CUL5: variants seen among roughly 807,000 people sequenced by gnomAD.
The protein encoded by CUL5 is cullin-5.
Under a neutral mutation model 108.8 loss-of-function variants are expected in CUL5, and 26 were observed. The observed-to-expected ratio is 0.24, with a 90% CI of 0.18 to 0.33. CUL5 has a LOEUF of 0.33. Ranked by LOEUF, CUL5 falls within the 10% of genes least tolerant of loss-of-function variation. The pLI is 1.00. For missense variants in CUL5, 524 were observed against 909.2 expected (o/e 0.58, Z 5.45); for synonymous variants, 334 against 298.0 (o/e 1.12, Z -1.25).
At chr11:108,075,014 A>G (rs1863910912) in intron 10 of CUL5, among the ~76,000 whole-genome samples, 1 of 152,112 alleles carries the variant, frequency 6.6e-6, no homozygotes, top group African/African-American at 2.4e-5. Flanking sequence ...AAAATTTTAA[A>G]CAGAATGGTA....
chr11:108,060,828 CA>C (rs879814275), intron 7 of CUL5, among the ~76,000 whole-genome samples: 55 of 143,802 alleles, frequency 3.8e-4, no homozygotes, highest in East Asian at 1.2e-3. Context: ...GAAACTGTCT[CA>C]AAAAAAAAAA....
chr11:108,101,903 C>T (rs1864680629), intron 18 of CUL5, among the ~76,000 whole-genome samples: 1 of 152,254 alleles, frequency 6.6e-6, no homozygotes, highest in African/African-American at 2.4e-5. Flanking sequence ...TTCTTCCTCT[C>T]TGAACCCCTG....
rs575951414 is a variant in CUL5 at position 108,009,255 on chromosome 11, C to T, written c.-94C>T. ...ACACCCTGGTGCGGGCCGACGGGCC[C>T]TGGGCCCTGGTGGGAGCTCCGGCCT... On this transcript the variant is annotated 5_prime_UTR_variant, in exon 1 of 19. Transcript: ENST00000393094. 3.5e-6 allele frequency: 5 copies of T among 1,436,114 alleles called. No homozygotes were observed. The African/African-American group carries it at 7.0e-5, about 20-fold the overall frequency. 89.0% of individuals were successfully genotyped at this position (1,436,114 alleles called of 1,614,324 possible). A position where few individuals can be genotyped will look rare whatever the true frequency, so the allele number is the denominator to read the frequency against.
At position 108,070,260 on chromosome 11, in the gene CUL5, GT is replaced by G. The variant is rs1863786988; in HGVS notation, c.874+73del. On this transcript the variant is annotated intron_variant, in intron 8 of 18. Transcript: ENST00000393094. ...ATCTTTGAAACAAATCACTTACTAAGTTGCTCTTAGTTAATTCTTTTCCACA... is the reference window on the plus strand; with the variant it reads ...ATCTTTGAAACAAATCACTTACTAAGTGCTCTTAGTTAATTCTTTTCCACA... 1.2e-5 allele frequency: 13 copies of G among 1,083,424 alleles called. No individual in the cohort carries two copies. The East Asian group carries it at 1.7e-4, about 14-fold the overall frequency. 67.1% of individuals were successfully genotyped at this position (1,083,424 alleles called of 1,614,324 possible).
At chr11:108,071,643 C>T (rs927169728) in intron 8 of CUL5, among the ~76,000 whole-genome samples, 2 of 152,110 alleles carry the variant, frequency 1.3e-5, no homozygotes, top group African/African-American at 4.8e-5. Flanking sequence ...GCCTCCTGGG[C>T]TTAGGCATTC....
chr11:108,045,829 T>C (rs573261696), intron 2 of CUL5, among the ~76,000 whole-genome samples: 9 of 152,200 alleles, frequency 5.9e-5, no homozygotes, highest in Non-Finnish European at 1.0e-4. Flanking sequence ...CAGTGCACAC[T>C]AGCCTGGGCA....
chr11:108,025,508 C>G (rs1862430983), intron 1 of CUL5, among the ~76,000 whole-genome samples: 1 of 152,140 alleles, frequency 6.6e-6, no homozygotes, highest in Admixed American at 6.5e-5. Flanking sequence ...CAGAATATCA[C>G]TCGGGGTAGG....
At chr11:108,014,304 T>C (rs1485883577) in intron 1 of CUL5, among the ~76,000 whole-genome samples, 2 of 152,186 alleles carry the variant, frequency 1.3e-5, no homozygotes, top group African/African-American at 4.8e-5. Context: ...GGCTGCATGC[T>C]GTGTTAGATA....
At position 108,070,131 on chromosome 11, in the gene CUL5, A is replaced by T. The variant is rs1204925377; in HGVS notation, c.816A>T (p.Ser272=). The change falls in exon 8 of 19, where the codon TCA becomes TCT. Residue 272 remains serine (S), a synonymous_variant. Coordinates refer to ENST00000393094, the MANE Select transcript of CUL5 (RefSeq NM_003478.6). Reference sequence around the variant, plus strand: ...GCTGTGTAAATGCCCTGGTGACATCATTTAAAGAGACTATCTTAGCTGAGT... The same window carrying T: ...GCTGTGTAAATGCCCTGGTGACATCTTTTAAAGAGACTATCTTAGCTGAGT... ...MECCVNALVT[S]FKETILAECQ... The T allele has an allele frequency of 6.2e-7, 1 of 1,612,176 alleles. No individual in the cohort carries two copies. Among genetic ancestry groups the T allele is most frequent in the Non-Finnish European group, 8.5e-7 (1 of 1,178,788 alleles).
intron 1 of CUL5, among the ~76,000 whole-genome samples, chr11:108,015,391 C>T (rs1306929536): frequency 3.9e-5 from 6 of 152,178 alleles, no homozygotes; most frequent in African/African-American, 4.8e-5. Flanking sequence ...TGAATATCAT[C>T]GGTGAATGTG....
intron 1 of CUL5, among the ~76,000 whole-genome samples, chr11:108,030,463 C>T (rs540265232): frequency 3.3e-5 from 5 of 152,264 alleles, no homozygotes; most frequent in African/African-American, 7.2e-5. Context: ...CACAGAGAAA[C>T]CCCGTCTCTA....
chr11:108,033,668 G>A (rs1365074684), intron 1 of CUL5, 134 bp from the exon 2 acceptor site: 4 of 609,230 alleles, frequency 6.6e-6, no homozygotes, highest in Non-Finnish European at 1.2e-5. Context: ...TAAGCCTGTA[G>A]GGATTCCATT....
At chr11:108,067,083 A>G (rs990293360) in intron 7 of CUL5, among the ~76,000 whole-genome samples, 1 of 152,246 alleles carries the variant, frequency 6.6e-6, no homozygotes, top group African/African-American at 2.4e-5. Flanking sequence ...TCAAGACCTT[A>G]TGAACCAACT....
intron 4 of CUL5, among the ~76,000 whole-genome samples, chr11:108,051,233 C>T (rs991205212): frequency 6.6e-6 from 1 of 152,188 alleles, no homozygotes; most frequent in Non-Finnish European, 1.5e-5. Context: ...AAAAACACTT[C>T]TGGCTGCGAT....
intron 1 of CUL5, among the ~76,000 whole-genome samples, chr11:108,009,994 C>G (rs1269377345): frequency 1.3e-5 from 2 of 152,244 alleles, no homozygotes; most frequent in African/African-American, 4.8e-5. Flanking sequence ...CAGATGACAA[C>G]TGATGAAGCG....
chr11:108,053,678 C>CTT (rs35844502), intron 5 of CUL5, among the ~76,000 whole-genome samples: 62 of 129,320 alleles, frequency 4.8e-4, no homozygotes, highest in African/African-American at 1.3e-3. Flanking sequence ...GTATACCATG[C>CTT]TTTTTTTTTT....
intron 1 of CUL5, among the ~76,000 whole-genome samples, chr11:108,028,863 C>T (rs1862510244): frequency 1.3e-5 from 2 of 152,080 alleles, no homozygotes; most frequent in Non-Finnish European, 2.9e-5. Flanking sequence ...ACACTTCTTG[C>T]TCAGAATCTT....
chr11:108,059,604 C>T (rs1025742163), intron 7 of CUL5, among the ~76,000 whole-genome samples: 1 of 151,994 alleles, frequency 6.6e-6, no homozygotes, highest in South Asian at 2.1e-4. Flanking sequence ...ATAGGCCGGG[C>T]GCGGTGGCTC....
chr11:108,060,948 T>G (rs543456835), intron 7 of CUL5, among the ~76,000 whole-genome samples: 1 of 152,180 alleles, frequency 6.6e-6, no homozygotes, highest in African/African-American at 2.4e-5. Flanking sequence ...CTGTGTTTTA[T>G]AGCAGGCATT....
Sources: allele counts gnomAD v4.1 joint callset (sites outside exome capture counted in the v4.1 genomes callset), GRCh38; gene constraint gnomAD v4.1.1; transcripts MANE v1.5; gene names NCBI Gene and HGNC (gene_info 2026-07-23, HGNC 2026-07-21).